Variants in CHN2 observed in about 807,000 individuals in gnomAD.
CHN2 encodes the protein beta-chimaerin.
CHN2 carries 35 observed loss-of-function variants against 56.3 expected under a neutral mutation model. The observed-to-expected ratio is 0.62, with a 90% confidence interval of 0.47 to 0.82. CHN2 has a LOEUF of 0.82. Ranked by LOEUF, CHN2 falls within the 40% of genes least tolerant of loss-of-function variation. The pLI is 0.00. For missense variants in CHN2, 491 were observed against 580.5 expected (o/e 0.85, Z 1.58); for synonymous variants, 210 against 212.8 (o/e 0.99, Z 0.12).
At chr7:29,339,216 AAATGT>A (rs1361739274) in intron 1 of CHN2, among the ~76,000 whole-genome samples, 4 of 152,210 alleles carry the variant, frequency 2.6e-5, no homozygotes, top group African/African-American at 9.7e-5. Context: ...AACAAGTGCT[AAATGT>A]AATTGTAAAC....
chr7:29,259,145 T>C (rs531190424), intron 1 of CHN2, among the ~76,000 whole-genome samples: 1 of 151,686 alleles, frequency 6.6e-6, no homozygotes, highest in Non-Finnish European at 1.5e-5. Context: ...CTGGGTAACA[T>C]GGTGAAACTG....
intron 1 of CHN2, chr7:29,197,942 T>C (rs530682426): frequency 7.7e-5 from 35 of 456,272 alleles, no homozygotes; most frequent in South Asian, 4.6e-4. Context: ...GAAAAAGACA[T>C]TTCAGGAAGA....
chr7:29,331,514 T>C (rs571774438), intron 1 of CHN2, among the ~76,000 whole-genome samples: 141 of 152,206 alleles, frequency 9.3e-4, no homozygotes, highest in Non-Finnish European at 1.6e-3. Flanking sequence ...CGCCACCCCC[T>C]CTTTCCTGCC....
At chr7:29,374,847 T>TCCTTCCTTCCTTCCTTCCTTCCTG (rs961509280) in intron 3 of CHN2, among the ~76,000 whole-genome samples, 2 of 145,446 alleles carry the variant, frequency 1.4e-5, no homozygotes, top group Non-Finnish European at 1.5e-5. Flanking sequence ...CTTCCTTCCT[T>TCCTTCCTTCCTTCCTTCCTTCCTG]CCTGCCTCCC....
At chr7:29,389,912 G>T (rs1801224114) in intron 3 of CHN2, among the ~76,000 whole-genome samples, 1 of 151,948 alleles carries the variant, frequency 6.6e-6, no homozygotes, top group Non-Finnish European at 1.5e-5. Context: ...AAATTAGCCA[G>T]GCACGGTGGT....
intron 1 of CHN2, among the ~76,000 whole-genome samples, chr7:29,340,142 C>A (rs757329): frequency 2.0e-5 from 3 of 151,986 alleles, no homozygotes; most frequent in Admixed American, 2.0e-4. Context: ...AATATACATG[C>A]AGAAAAATTG....
At chr7:29,208,526 G>C (rs566664614) in intron 1 of CHN2, among the ~76,000 whole-genome samples, 1 of 152,236 alleles carries the variant, frequency 6.6e-6, no homozygotes, top group East Asian at 1.9e-4. Flanking sequence ...AGCACACGTG[G>C]GGATGATATT....
At chr7:29,362,999 A>G (rs181140073) in intron 2 of CHN2, among the ~76,000 whole-genome samples, 39 of 152,312 alleles carry the variant, frequency 2.6e-4, no homozygotes, top group Admixed American at 3.9e-4. Context: ...GGCATTAATA[A>G]TGGGAAGAGA....
chr7:29,405,290 C>T (rs1033719348), intron 6 of CHN2, among the ~76,000 whole-genome samples: 1 of 151,598 alleles, frequency 6.6e-6, no homozygotes, highest in African/African-American at 2.4e-5. Flanking sequence ...AGGACACTTT[C>T]ATTTCTCCAT....
At chr7:29,318,516 G>A (rs1795117866) in intron 1 of CHN2, among the ~76,000 whole-genome samples, 1 of 152,172 alleles carries the variant, frequency 6.6e-6, no homozygotes. Flanking sequence ...GCCTGTCCTG[G>A]GAGGATGTAG....
intron 2 of CHN2, among the ~76,000 whole-genome samples, chr7:29,185,287 C>T (rs1334734624): frequency 1.3e-5 from 2 of 152,160 alleles, no homozygotes; most frequent in Non-Finnish European, 2.9e-5. Context: ...ATTGTTTATG[C>T]TTATTCATTG....
At chr7:29,443,819 A>G (rs1473216031) in intron 6 of CHN2, among the ~76,000 whole-genome samples, 1 of 152,138 alleles carries the variant, frequency 6.6e-6, no homozygotes, top group Non-Finnish European at 1.5e-5. Flanking sequence ...CCCACTCAGT[A>G]TTGACTAATG....
chr7:29,296,293 C>T (rs1262328717), intron 1 of CHN2, among the ~76,000 whole-genome samples: 1 of 152,080 alleles, frequency 6.6e-6, no homozygotes, highest in East Asian at 1.9e-4. Context: ...CCATGTTGAC[C>T]AGGCTGGTCT....
chr7:29,473,477 T>TTTTTTG (rs1554298998), intron 6 of CHN2, among the ~76,000 whole-genome samples: 17 of 126,100 alleles, frequency 1.3e-4, no homozygotes, highest in African/African-American at 1.5e-4. Context: ...TGTGTTTTTT[T>TTTTTTG]TTTTTTGTGT....
At chr7:29,209,996 T>C (rs1355978036) in intron 1 of CHN2, among the ~76,000 whole-genome samples, 1 of 152,174 alleles carries the variant, frequency 6.6e-6, no homozygotes, top group African/African-American at 2.4e-5. Context: ...GCATTTACTT[T>C]TTGTGTGTCC....
At position 29,158,298 on chromosome 7, in the gene CHN2, A is replaced by C. The variant is rs150811390; in HGVS notation, c.274+11338A>C. 4.8e-3 allele frequency among the ~76,000 whole-genome samples: 736 copies of C among 152,346 alleles called. 5 individuals carry two copies. The highest frequency in any genetic ancestry group is 6.8e-3 in the Middle Eastern group (2 of 294). On this transcript the variant is annotated intron_variant, in intron 2 of 6. Coordinates refer to the CHN2 transcript ENST00000439384. ...CACACACATATTTTCTTAGGACCTC[A>C]GTTTCCACCATCCTATAATAGAGCA...
At chr7:29,375,693 G>A (rs867859996) in intron 3 of CHN2, among the ~76,000 whole-genome samples, 53 of 152,204 alleles carry the variant, frequency 3.5e-4, no homozygotes, top group African/African-American at 1.2e-3. Context: ...TCAGGTGGTG[G>A]TGGTAGTGAG....
intron 6 of CHN2, among the ~76,000 whole-genome samples, chr7:29,425,934 G>A (rs549469309): frequency 1.3e-5 from 2 of 152,114 alleles, no homozygotes; most frequent in African/African-American, 4.8e-5. Context: ...CTGTGGGCCG[G>A]GTGTGGTAGC....
chr7:29,152,584 A>C (rs1295368250), intron 2 of CHN2, among the ~76,000 whole-genome samples: 1 of 152,190 alleles, frequency 6.6e-6, no homozygotes, highest in African/African-American at 2.4e-5. Context: ...ATGTGATATA[A>C]ATTGCCTGGG....
Sources: allele counts gnomAD v4.1 joint callset (sites outside exome capture counted in the v4.1 genomes callset), GRCh38; gene constraint gnomAD v4.1.1; transcripts MANE v1.5; gene names NCBI Gene and HGNC (gene_info 2026-07-23, HGNC 2026-07-21).